ANKIB1: variants seen among roughly 807,000 people sequenced by gnomAD.
ANKIB1 encodes the protein ankyrin repeat and IBR domain-containing protein 1.
Under a neutral mutation model 122.1 loss-of-function variants are expected in ANKIB1, and 43 were observed. That is an observed-to-expected ratio of 0.35 (90% CI 0.28 to 0.45). The LOEUF (loss-of-function observed/expected upper bound fraction) is 0.45. ANKIB1 is among the 20% of genes least tolerant of loss of function. The probability of loss-of-function intolerance (pLI) is 1.00; values close to 1 mark genes in which losing one functional copy is unlikely to be tolerated. For missense variants in ANKIB1, 992 were observed against 1,329.5 expected (o/e 0.75, Z 3.95); for synonymous variants, 390 against 442.0 (o/e 0.88, Z 1.48).
chr7:92,311,184 A>C (rs1193611345), intron 3 of ANKIB1, among the ~76,000 whole-genome samples: 1 of 152,176 alleles, frequency 6.6e-6, no homozygotes, highest in Non-Finnish European at 1.5e-5. Flanking sequence ...CATGATATAA[A>C]GGTTTGGGTT....
chr7:92,260,357 AC>A (rs1801538979), intron 1 of ANKIB1, among the ~76,000 whole-genome samples: 1 of 152,116 alleles, frequency 6.6e-6, no homozygotes, highest in South Asian at 2.1e-4. Flanking sequence ...CACATGACTC[AC>A]TACATCACCT....
At chr7:92,278,717 AT>A (rs1801954037) in intron 1 of ANKIB1, among the ~76,000 whole-genome samples, 1 of 152,198 alleles carries the variant, frequency 6.6e-6, no homozygotes, top group Non-Finnish European at 1.5e-5. Flanking sequence ...ATTTTCAAAA[AT>A]TTTTGTAATG....
At chr7:92,284,335 A>G (rs951716630) in intron 1 of ANKIB1, among the ~76,000 whole-genome samples, 1 of 152,200 alleles carries the variant, frequency 6.6e-6, no homozygotes, top group Non-Finnish European at 1.5e-5. Context: ...ATTTCCTAGT[A>G]GACTCTGCCC....
intron 1 of ANKIB1, among the ~76,000 whole-genome samples, chr7:92,276,707 T>C (rs1323332323): frequency 6.6e-6 from 1 of 152,246 alleles, no homozygotes; most frequent in Non-Finnish European, 1.5e-5. Flanking sequence ...GTTTCGTTTT[T>C]ATCTGGCCTG....
At chr7:92,340,007 ACTTTTC>A (rs1803402559) in intron 5 of ANKIB1, among the ~76,000 whole-genome samples, 2 of 149,840 alleles carry the variant, frequency 1.3e-5, no homozygotes, top group South Asian at 4.2e-4. Context: ...TGTTTTCTTT[ACTTTTC>A]CTTTGAAGTG....
In ANKIB1 at chr7:92,381,175, T is replaced by G. The variant is rs1293414634; in HGVS notation, c.1618-5334T>G. Among the ~76,000 whole-genome samples the G allele has an allele frequency of 6.6e-5, 10 of 151,722 alleles. No individual in the cohort carries two copies. In the South Asian group the frequency reaches 2.1e-3, roughly 32 times the overall value. On this transcript the variant is annotated intron_variant, in intron 11 of 19. Coordinates refer to ENST00000265742, the MANE Select transcript of ANKIB1 (RefSeq NM_019004.2). ...GATCAAATTAATGAAATGACGCAAG[T>G]AGGGAAGTTGGGAGAAAAAAGAGTA...
At chr7:92,278,084 CAAA>C (rs78314221) in intron 1 of ANKIB1, among the ~76,000 whole-genome samples, 12 of 119,748 alleles carry the variant, frequency 1.0e-4, no homozygotes, top group Admixed American at 2.6e-4. Context: ...AACTCTGTGT[CAAA>C]AAAAAAAAAA....
intron 10 of ANKIB1, among the ~76,000 whole-genome samples, chr7:92,366,798 A>G (rs1804095808): frequency 1.3e-5 from 2 of 152,342 alleles, no homozygotes; most frequent in South Asian, 4.1e-4. Flanking sequence ...AGAAACAAAA[A>G]TGTCCTGCCA....
At chr7:92,300,349 TTG>T (rs1254641598) in intron 2 of ANKIB1, among the ~76,000 whole-genome samples, 2 of 152,174 alleles carry the variant, frequency 1.3e-5, no homozygotes, top group African/African-American at 4.8e-5. Context: ...CCAAAAGTCT[TTG>T]GATATTTTCT....
At chr7:92,346,139 C>A (rs369396831) in intron 7 of ANKIB1, among the ~76,000 whole-genome samples, 1 of 146,506 alleles carries the variant, frequency 6.8e-6, no homozygotes, top group Non-Finnish European at 1.5e-5. Flanking sequence ...TTTTTTTTTT[C>A]TTTTTTGAGA....
In ANKIB1 at chr7:92,399,938, A is replaced by T. The variant is rs1562803774; in HGVS notation, c.*989A>T. ...ATCGTGTTTTATAAAATAGAAAAAAAGTGGAGTTTTCATGAGTTATAGTAA... is the reference window on the plus strand; with the variant it reads ...ATCGTGTTTTATAAAATAGAAAAAATGTGGAGTTTTCATGAGTTATAGTAA... On this transcript the variant is annotated 3_prime_UTR_variant, in exon 20 of 20. Transcript: ENST00000265742. 1 of 152,180 alleles carries T rather than the reference A, an allele frequency of 6.6e-6. No homozygotes were observed. The highest frequency in any genetic ancestry group is 1.5e-5 in the Non-Finnish European group (1 of 68,026). 9.4% of individuals were successfully genotyped at this position (152,180 alleles called of 1,614,324 possible). A position where few individuals can be genotyped will look rare whatever the true frequency, so the allele number is the denominator to read the frequency against.
intron 1 of ANKIB1, among the ~76,000 whole-genome samples, chr7:92,284,101 G>A (rs1167992375): frequency 4.6e-5 from 7 of 152,108 alleles, no homozygotes; most frequent in African/African-American, 1.7e-4. Flanking sequence ...GATGAATACA[G>A]GTTAACATTT....
chr7:92,252,670 T>G (rs767239512), intron 1 of ANKIB1, among the ~76,000 whole-genome samples: 6 of 152,164 alleles, frequency 3.9e-5, no homozygotes, highest in Non-Finnish European at 8.8e-5. Flanking sequence ...TTGTTGCTAT[T>G]GTTATTTATT....
intron 1 of ANKIB1, among the ~76,000 whole-genome samples, chr7:92,291,726 G>A (rs1038716393): frequency 6.6e-6 from 1 of 151,786 alleles, no homozygotes; most frequent in Non-Finnish European, 1.5e-5. Context: ...ACAGGCACCC[G>A]CCACCACGCC....
chr7:92,298,199 A>G (rs1802393920), intron 2 of ANKIB1, among the ~76,000 whole-genome samples: 1 of 152,088 alleles, frequency 6.6e-6, no homozygotes, highest in African/African-American at 2.4e-5. Flanking sequence ...TAGATTGTGG[A>G]TTACTAATCT....
intron 1 of ANKIB1, among the ~76,000 whole-genome samples, chr7:92,261,814 C>T (rs893629442): frequency 6.6e-6 from 1 of 152,158 alleles, no homozygotes; most frequent in Non-Finnish European, 1.5e-5. Context: ...TCATATGCTT[C>T]AGATATTTCA....
intron 10 of ANKIB1, among the ~76,000 whole-genome samples, chr7:92,364,887 G>A (rs1804037974): frequency 1.3e-5 from 2 of 152,202 alleles, no homozygotes; most frequent in Admixed American, 1.3e-4. Context: ...TATGCCATTA[G>A]TGAAACAGGA....
intron 2 of ANKIB1, among the ~76,000 whole-genome samples, chr7:92,296,684 C>T (rs546805850): frequency 3.9e-5 from 6 of 152,176 alleles, no homozygotes; most frequent in South Asian, 2.1e-4. Flanking sequence ...TCTCTGCCTA[C>T]CTATATTAAT....
At chr7:92,250,273 A>ATCCCAGCT (rs967372135) in intron 1 of ANKIB1, among the ~76,000 whole-genome samples, 136 of 152,236 alleles carry the variant, frequency 8.9e-4, no homozygotes, top group African/African-American at 3.2e-3. Flanking sequence ...CATGCCTGTA[A>ATCCCAGCT]TCCCAGCTAC....
Sources: gnomAD v4.1 joint callset for allele counts (sites outside exome capture counted in the v4.1 genomes callset) on GRCh38, gnomAD v4.1.1 for gene constraint, MANE v1.5 for transcripts, NCBI Gene and HGNC (gene_info 2026-07-23, HGNC 2026-07-21) for gene names.